The following FBLN1 variants were observed in gnomAD, a reference collection of about 807,000 sequenced individuals.
The protein encoded by FBLN1 is fibulin-1.
In FBLN1, 34 loss-of-function variants were observed where a neutral mutation model predicts 89.7. The ratio of observed to expected loss-of-function variants is 0.38; its 90% CI spans 0.29 to 0.50. The LOEUF (loss-of-function observed/expected upper bound fraction) is 0.50, where lower values mean the gene tolerates loss of function less well. Among genes scored for constraint, FBLN1 ranks in the 20% least tolerant of loss-of-function variants. The probability of loss-of-function intolerance (pLI) is 0.92; values close to 1 mark genes in which losing one functional copy is unlikely to be tolerated. For missense variants in FBLN1, 777 were observed against 988.1 expected, an observed-to-expected ratio of 0.79 and a Z score of 2.86; for synonymous variants, 393 against 391.3, an observed-to-expected ratio of 1.00 and a Z score of -0.05.
chr22:45,559,043 A>G (rs1602208833), intron 14 of FBLN1, among the ~76,000 whole-genome samples: 1 of 152,342 alleles, frequency 6.6e-6, no homozygotes, highest in East Asian at 1.9e-4. Context: ...ATTATGACAC[A>G]AAGCCGGAGA....
Position 45,519,611 on chromosome 22 carries a change from C to T in FBLN1, c.185+824C>T, listed in dbSNP as rs1449309382. Among the ~76,000 whole-genome samples, 12 of 127,528 alleles carry T rather than the reference C, an allele frequency of 9.4e-5. No homozygotes were observed. In the East Asian group the frequency reaches 1.2e-3, roughly 12 times the overall value. 83.7% of individuals were successfully genotyped at this position (127,528 alleles called of 152,430 possible). On this transcript the variant is annotated intron_variant, in intron 2 of 16. Transcript: ENST00000327858. ...TGCATTTCAGTCTGGGCAACAACAGCGAAACTCTAACTCAAAAAAAAAAAA... is the reference window on the plus strand; with the variant it reads ...TGCATTTCAGTCTGGGCAACAACAGTGAAACTCTAACTCAAAAAAAAAAAA...
intron 1 of FBLN1, among the ~76,000 whole-genome samples, chr22:45,512,079 TA>T (rs1263923450): frequency 2.0e-5 from 3 of 151,856 alleles, no homozygotes; most frequent in Non-Finnish European, 4.4e-5. Flanking sequence ...AGTGTCGAGT[TA>T]CCAGCGAGTG....
At chr22:45,528,349 T>C (rs995374505) in intron 4 of FBLN1, among the ~76,000 whole-genome samples, 2 of 151,964 alleles carry the variant, frequency 1.3e-5, no homozygotes, top group Non-Finnish European at 2.9e-5. Context: ...TTAATCTCTT[T>C]TTTTTTTTGA....
At chr22:45,554,405 C>T (rs570527199) in intron 14 of FBLN1, among the ~76,000 whole-genome samples, 12 of 152,348 alleles carry the variant, frequency 7.9e-5, no homozygotes, top group East Asian at 1.9e-4. Flanking sequence ...CAGCAGCACC[C>T]GTGCCCACCT....
chr22:45,529,829 T>A (rs1263549920), intron 4 of FBLN1, among the ~76,000 whole-genome samples: 1 of 152,136 alleles, frequency 6.6e-6, no homozygotes, highest in Non-Finnish European at 1.5e-5. Context: ...ATGGCGCCAT[T>A]GCATTCCAGC....
At chr22:45,516,715 A>G (rs1602165381) in intron 1 of FBLN1, among the ~76,000 whole-genome samples, 1 of 152,076 alleles carries the variant, frequency 6.6e-6, no homozygotes, top group Non-Finnish European at 1.5e-5. Flanking sequence ...ACGAAACTTC[A>G]CCCTTACCCA....
In FBLN1 at chr22:45,580,851, T is replaced by C. The variant is rs1330786198; in HGVS notation, c.1972+3743T>C. On this transcript the variant is annotated intron_variant, in intron 16 of 16. Coordinates refer to ENST00000327858, the MANE Select transcript of FBLN1 (RefSeq NM_006486.3). The surrounding 1 kb of genome is among the most constrained non-coding windows in gnomAD (Gnocchi z 8.6). Reference sequence around the variant, plus strand: ...CTGCAAGGGCCGGGTCGTCCTCTAATGTAGCCTTGAAAGACCCGTTCTTAG... The same window carrying C: ...CTGCAAGGGCCGGGTCGTCCTCTAACGTAGCCTTGAAAGACCCGTTCTTAG... Among the ~76,000 whole-genome samples the C allele has an allele frequency of 6.6e-6, 1 of 152,228 alleles. No individual in the cohort carries two copies. Among genetic ancestry groups the C allele is most frequent in the African/African-American group, 2.4e-5 (1 of 41,458 alleles).
intron 1 of FBLN1, among the ~76,000 whole-genome samples, chr22:45,517,064 G>A (rs1343242054): frequency 6.6e-6 from 1 of 152,226 alleles, no homozygotes; most frequent in African/African-American, 2.4e-5. Flanking sequence ...CTGATAGGGT[G>A]GTTTAGCAAG....
rs907608062 is a variant in FBLN1 at position 45,505,865 on chromosome 22, G to A, written c.79+2801G>A. ...CGACTCACTGCAACCTCCGCCTCCC[G>A]AGTTGAAGCGATTCTCCTGCTTCAG... On this transcript the variant is annotated intron_variant, in intron 1 of 16. Transcript: ENST00000327858. Among the ~76,000 whole-genome samples, 19 of 152,162 alleles carry A rather than the reference G, an allele frequency of 1.2e-4. No individual in the cohort carries two copies. The Middle Eastern group carries it at 0.017, about 136-fold the overall frequency.
At position 45,562,378 on chromosome 22, in the gene FBLN1, GTCC is replaced by G. The variant is rs373650656; in HGVS notation, c.1697+11766_1697+11768del. Among the ~76,000 whole-genome samples, 100 of 152,328 alleles carry G rather than the reference GTCC, an allele frequency of 6.6e-4. No homozygotes were observed. Among genetic ancestry groups the G allele is most frequent in the African/African-American group, 2.1e-3 (87 of 41,580 alleles). On this transcript the variant is annotated intron_variant, in intron 14 of 16. Coordinates refer to ENST00000327858, the MANE Select transcript of FBLN1 (RefSeq NM_006486.3). The surrounding 1 kb of genome is among the most constrained non-coding windows in gnomAD (Gnocchi z 7.8). ...GGCCACATTCTCTCTGAGCCTCAGT[GTCC>G]TCATGTGAAAAATATCACCGAAGCC...
At position 45,590,573 on chromosome 22, in the gene FBLN1, G is replaced by A. The variant is rs1460668420; in HGVS notation, c.1973-9734G>A. Among the ~76,000 whole-genome samples, 1 of 152,234 alleles carries A rather than the reference G, an allele frequency of 6.6e-6. No individual in the cohort carries two copies. Among genetic ancestry groups the A allele is most frequent in the Non-Finnish European group, 1.5e-5 (1 of 68,050 alleles). On this transcript the variant is annotated intron_variant, in intron 16 of 16. Coordinates refer to ENST00000327858, the MANE Select transcript of FBLN1 (RefSeq NM_006486.3). This position sits in a 1 kb window ranked among gnomAD's most constrained non-coding sequence, Gnocchi z 4.1. ...GATTTACCTCCTGGCTCTGAGCACA[G>A]TGGGAAGAGGCATGGGAGGGGTGAA...
At chr22:45,514,651 C>G (rs148407504) in intron 1 of FBLN1, among the ~76,000 whole-genome samples, 2 of 152,186 alleles carry the variant, frequency 1.3e-5, no homozygotes, top group South Asian at 2.1e-4. Context: ...GCCCCAGCAG[C>G]CTTTGCATGT....
chr22:45,595,533 C>T (rs1441418903), intron 16 of FBLN1, among the ~76,000 whole-genome samples: 5 of 152,110 alleles, frequency 3.3e-5, no homozygotes, highest in African/African-American at 9.7e-5. Flanking sequence ...TCTAGTTGCT[C>T]GTCTCACCAC....
chr22:45,592,684 G>A (rs1205045423), intron 16 of FBLN1, among the ~76,000 whole-genome samples: 1 of 152,206 alleles, frequency 6.6e-6, no homozygotes, highest in Non-Finnish European at 1.5e-5. Context: ...GTCCTCGCCT[G>A]CAGGAACTGT....
At chr22:45,582,440 G>A (rs1010890406) in intron 16 of FBLN1, among the ~76,000 whole-genome samples, 2 of 152,128 alleles carry the variant, frequency 1.3e-5, no homozygotes, top group Admixed American at 1.3e-4. Context: ...GCGGAATGGC[G>A]AGGTCCTGGA....
rs7287643 is a variant in FBLN1, at chr22:45,530,646, T to C, written c.485-619T>C. 0.16 allele frequency among the ~76,000 whole-genome samples: 23,605 copies of C among 152,150 alleles called. 2,409 individuals carry two copies. Among genetic ancestry groups the C allele is most frequent in the African/African-American group, 0.29 (11,944 of 41,480 alleles). On this transcript the variant is annotated intron_variant, in intron 4 of 16. Coordinates refer to ENST00000327858, the MANE Select transcript of FBLN1 (RefSeq NM_006486.3). This position sits in a 1 kb window ranked among gnomAD's most constrained non-coding sequence, Gnocchi z 5.4. The stretch of plus-strand genomic sequence containing the variant: ...TTTAGACTTGGAGGGCGTGTGTTGG[T>C]TGTTAGCAAGGCTGTGACTGCATTT...
chr22:45,538,048 G>A (rs1054322143), intron 8 of FBLN1, among the ~76,000 whole-genome samples: 1 of 152,256 alleles, frequency 6.6e-6, no homozygotes, highest in African/African-American at 2.4e-5. Context: ...GCAGCACTGT[G>A]TATGGGCTGA....
chr22:45,537,484 T>G lies in FBLN1; in HGVS notation c.922+2147T>G, dbSNP rs774147124. Reference sequence around the variant, plus strand: ...AAATACAAAAATTAGCCGGGTGTGGTGGTGGGCACCTTGTAATCCCAGCTA... The same window carrying G: ...AAATACAAAAATTAGCCGGGTGTGGGGGTGGGCACCTTGTAATCCCAGCTA... On this transcript the variant is annotated intron_variant, in intron 8 of 16. Transcript: ENST00000327858. This position sits in a 1 kb window ranked among gnomAD's most constrained non-coding sequence, Gnocchi z 5.7. Among the ~76,000 whole-genome samples the G allele has an allele frequency of 1.1e-4, 16 of 152,152 alleles. No homozygotes were observed. The highest frequency in any genetic ancestry group is 1.6e-4 in the Non-Finnish European group (11 of 68,010).
intron 16 of FBLN1, among the ~76,000 whole-genome samples, chr22:45,595,417 G>A (rs1388360347): frequency 6.6e-6 from 1 of 152,158 alleles, no homozygotes; most frequent in Non-Finnish European, 1.5e-5. Context: ...CTTGTTAAAT[G>A]CAAAGAACCT....
Sources: gnomAD v4.1 joint callset for allele counts (sites outside exome capture counted in the v4.1 genomes callset) on GRCh38, gnomAD v4.1.1 for gene constraint, Gnocchi (gnomAD v3.1) non-coding constraint, MANE v1.5 for transcripts, NCBI Gene and HGNC (gene_info 2026-07-23, HGNC 2026-07-21) for gene names.